Variants in RASGRP2 observed in about 807,000 individuals in gnomAD.
The protein encoded by RASGRP2 is RAS guanyl-releasing protein 2.
In RASGRP2, 44 loss-of-function variants were observed where a neutral mutation model predicts 71.0. The ratio of observed to expected loss-of-function variants is 0.62; its 90% CI spans 0.49 to 0.80. The LOEUF (loss-of-function observed/expected upper bound fraction) is 0.80. RASGRP2 is among the 30% of genes least tolerant of loss of function. RASGRP2 has a pLI of 0.00. For missense variants in RASGRP2, 663 were observed against 813.4 expected (o/e 0.82, Z 2.25); for synonymous variants, 350 against 330.7 (o/e 1.06, Z -0.63).
At chr11:64,729,166 G>A (rs576939612) in intron 14 of RASGRP2, 124 bp from the exon 15 acceptor site, 2 of 967,176 alleles carry the variant, frequency 2.1e-6, no homozygotes, top group Admixed American at 2.0e-5. Flanking sequence ...ACCAAAATAA[G>A]AGTCTCCTTC....
In RASGRP2 at chr11:64,737,007, T is replaced by C. The variant is rs1243522728; in HGVS notation, c.841A>G (p.Thr281Ala). The change falls in exon 9 of 17, where the codon ACG becomes GCG. Residue 281 changes from threonine (T) to alanine (A), a missense_variant. Coordinates refer to ENST00000394432, the MANE Select transcript of RASGRP2 (RefSeq NM_001098671.2). Reference sequence around the variant, plus strand: ...TAGTTGCCATAGTTGCCTGTCGCCGTCACTAGTTCCGTGAGACCCTCCCAG... The same window carrying C: ...TAGTTGCCATAGTTGCCTGTCGCCGCCACTAGTTCCGTGAGACCCTCCCAG... ...KLWEGLTELV[T>A]ATGNYGNYRR... 2.5e-6 allele frequency: 4 copies of C among 1,613,770 alleles called. No homozygotes were observed. In the Admixed American group the frequency reaches 6.7e-5, roughly 27 times the overall value.
chr11:64,733,860 T>TC (rs2057845047), intron 12 of RASGRP2, among the ~76,000 whole-genome samples: 1 of 150,064 alleles, frequency 6.7e-6, no homozygotes, highest in African/African-American at 2.4e-5. Flanking sequence ...TTTCTTTTTT[T>TC]TTTTTTTGAT....
intron 5 of RASGRP2, 145 bp downstream of exon 5, chr11:64,740,803 T>C (rs1592383953): frequency 9.5e-7 from 1 of 1,053,198 alleles, no homozygotes; most frequent in Non-Finnish European, 1.5e-6. Context: ...AGAGGAGGCA[T>C]GTTGAAGGCA....
At chr11:64,734,782 A>G (rs978818786) in intron 12 of RASGRP2, among the ~76,000 whole-genome samples, 7 of 152,202 alleles carry the variant, frequency 4.6e-5, no homozygotes, top group African/African-American at 1.7e-4. Context: ...TCATTAGAAC[A>G]GACTATCCAG....
In RASGRP2 at chr11:64,743,401, G is replaced by T. The variant is rs951462014; in HGVS notation, c.-71-464C>A. The stretch of plus-strand genomic sequence containing the variant: ...GAATTTCTCCCTGGTATGGGAGGTG[G>T]GGGGAGAGAACCCAGGCGTCCTGCC... On this transcript the variant is annotated intron_variant, in intron 1 of 16. Coordinates refer to ENST00000394432, the MANE Select transcript of RASGRP2 (RefSeq NM_001098671.2). This position sits in a 1 kb window ranked among gnomAD's most constrained non-coding sequence, Gnocchi z 4.9. 23 of 370,092 alleles carry T rather than the reference G, an allele frequency of 6.2e-5. No homozygotes were observed. Among genetic ancestry groups the T allele is most frequent in the Non-Finnish European group, 1.1e-4 (20 of 186,446 alleles). The allele number at this position is 370,092 out of a possible 1,614,324, so 22.9% of individuals were successfully genotyped here.
intron 8 of RASGRP2, among the ~76,000 whole-genome samples, chr11:64,738,897 C>T (rs1565513848): frequency 6.7e-6 from 1 of 150,230 alleles, no homozygotes; most frequent in Non-Finnish European, 1.5e-5. Flanking sequence ...CCAAGGCAGG[C>T]GGATCACTTG....
chr11:64,740,973 T>C lies in RASGRP2; in HGVS notation c.346A>G (p.Ser116Gly). Residue 116 changes from serine (S) to glycine (G), a missense_variant, in exon 5 of 17, where the codon AGC (serine) becomes GGC (glycine). Coordinates refer to ENST00000394432, the MANE Select transcript of RASGRP2 (RefSeq NM_001098671.2). ...ACGCTGTCTATGTCGATTAGGCTGC[T>C]GTGCCGTCGGTTCCCTTCTTGGTCT... ...LLDQEGNRRH[S>G]SLIDIDSVPT... 14 of 1,613,956 alleles carry C rather than the reference T, an allele frequency of 8.7e-6. No individual in the cohort carries two copies. Among genetic ancestry groups the C allele is most frequent in the Non-Finnish European group, 1.2e-5 (14 of 1,179,980 alleles).
rs1033880482 is a variant in RASGRP2, at chr11:64,730,033, G to A, written c.1554+20C>T. 1 of 1,548,290 alleles carries A rather than the reference G, an allele frequency of 6.5e-7. No homozygotes were observed. On this transcript the variant is annotated intron_variant, in intron 13 of 16. Transcript: ENST00000394432. ...TGGAGGGGCGTGGCTTGGGCCGTGA[G>A]CCGGGAAAGGGACTCTCACCAGGGC...
In RASGRP2 at chr11:64,737,053, G is replaced by A. The variant is rs972638569; in HGVS notation, c.814-19C>T. Reference sequence around the variant, plus strand: ...CCCAGAGCTGGGGACAAAGGACAGAGGAGTCATACCCCCACAACTATCCTC... The same window carrying A: ...CCCAGAGCTGGGGACAAAGGACAGAAGAGTCATACCCCCACAACTATCCTC... On this transcript the variant is annotated intron_variant, in intron 8 of 16. Coordinates refer to ENST00000394432, the MANE Select transcript of RASGRP2 (RefSeq NM_001098671.2). 3.1e-6 allele frequency: 5 copies of A among 1,613,124 alleles called. No individual in the cohort carries two copies. The Admixed American group carries it at 5.0e-5, about 16-fold the overall frequency.
chr11:64,744,781 GA>G (rs1215155772), upstream of RASGRP2: 1 of 149,576 alleles, frequency 6.7e-6, no homozygotes, highest in Non-Finnish European at 1.5e-5. Context: ...CGGCCTGGCC[GA>G]CCCCACCTCC....
At chr11:64,733,844 T>C (rs1030717316) in intron 12 of RASGRP2, among the ~76,000 whole-genome samples, 13 of 35,054 alleles carry the variant, frequency 3.7e-4, no homozygotes, top group African/African-American at 6.3e-4. Flanking sequence ...CATTTCTTCC[T>C]TTTTTTTTCT....
rs555129081 is a variant in RASGRP2, at chr11:64,728,594, A to ATT, written c.1771+267_1771+268dup. On this transcript the variant is annotated intron_variant, in intron 15 of 16. Coordinates refer to ENST00000394432, the MANE Select transcript of RASGRP2 (RefSeq NM_001098671.2). ...AGGCGTCCGCCACCACGCCTGGCTA[A>ATT]TTTTTTTTTTTTGTATTTTTAGTAA... Among the ~76,000 whole-genome samples, 26 of 145,206 alleles carry ATT rather than the reference A, an allele frequency of 1.8e-4. No individual in the cohort carries two copies. The South Asian group carries it at 2.2e-3, about 12-fold the overall frequency.
chr11:64,727,239 C>A, intron 16 of RASGRP2, 57 bp downstream of exon 16: 1 of 1,508,508 alleles, frequency 6.6e-7, no homozygotes, highest in Non-Finnish European at 9.2e-7. Context: ...CTGATACTCC[C>A]CAGCTCCCCC....
intron 12 of RASGRP2, among the ~76,000 whole-genome samples, chr11:64,734,726 T>C (rs77497097): frequency 5.3e-5 from 8 of 152,202 alleles, no homozygotes; most frequent in Admixed American, 5.2e-4. Flanking sequence ...ATATGAACTG[T>C]TGATAAACAA....
At chr11:64,744,453 C>T, upstream of RASGRP2, 1 of 315,530 alleles carries the variant, frequency 3.2e-6, no homozygotes, top group East Asian at 1.7e-4. Context: ...TTGAGAATCA[C>T]TTGGCCTCTG....
chr11:64,737,205 T>G, intron 8 of RASGRP2, 171 bp from the exon 9 acceptor site: 1 of 738,898 alleles, frequency 1.4e-6, no homozygotes, highest in Non-Finnish European at 2.3e-6. Context: ...ATTGAATTCA[T>G]TGCCATGAAT....
At chr11:64,737,272 G>A in intron 8 of RASGRP2, 1 of 565,768 alleles carries the variant, frequency 1.8e-6, no homozygotes, top group South Asian at 2.0e-5. Flanking sequence ...CTGGATGCAG[G>A]GAATCATCAA....
At position 64,739,176 on chromosome 11, in the gene RASGRP2, T is replaced by C. The variant is rs140794098; in HGVS notation, c.813+184A>G. On this transcript the variant is annotated intron_variant, in intron 8 of 16. Coordinates refer to ENST00000394432, the MANE Select transcript of RASGRP2 (RefSeq NM_001098671.2). The surrounding 1 kb of genome is among the most constrained non-coding windows in gnomAD (Gnocchi z 4.2). The stretch of plus-strand genomic sequence containing the variant: ...AAAAAAGTACTAGCTTTGGGGTCCC[T>C]GACGACCTGTGAGCCCCCACTCTGC... 6.0e-5 allele frequency among the ~76,000 whole-genome samples: 9 copies of C among 150,232 alleles called. No homozygotes were observed. In the East Asian group the frequency reaches 1.7e-3, roughly 29 times the overall value.
rs777884172 is a variant in RASGRP2, at chr11:64,736,906, C to T, written c.942G>A (p.Leu314=). The T allele has an allele frequency of 1.9e-6, 3 of 1,613,938 alleles. No homozygotes were observed. The Admixed American group carries it at 5.0e-5, about 27-fold the overall frequency. ...CCAGCCAGTCAGGCAGTGCCAGCTG[C>T]AGGGCCACCAGGTCCTTGAGGTGCA... ...LGVHLKDLVA[L]QLALPDWLDP... Residue 314 remains leucine (L), a synonymous_variant, in exon 9 of 17, where the codon CTG becomes CTA. Transcript: ENST00000394432.
Sources: allele counts gnomAD v4.1 joint callset (sites outside exome capture counted in the v4.1 genomes callset), GRCh38; gene constraint gnomAD v4.1.1; non-coding constraint Gnocchi (gnomAD v3.1); transcripts MANE v1.5; gene names NCBI Gene and HGNC (gene_info 2026-07-23, HGNC 2026-07-21).